ERGIC1: variants seen among roughly 807,000 people sequenced by gnomAD.
The protein encoded by ERGIC1 is endoplasmic reticulum-golgi intermediate compartment 1, also known as endoplasmic reticulum-Golgi intermediate compartment protein 1.
In ERGIC1, 19 loss-of-function variants were observed where a neutral mutation model predicts 38.3. The ratio of observed to expected loss-of-function variants is 0.50; its 90% CI spans 0.35 to 0.73. The LOEUF is 0.73. Among genes scored for constraint, ERGIC1 ranks in the 30% least tolerant of loss-of-function variants. The pLI is 0.01. For synonymous variants in ERGIC1, 124 were observed against 157.6 expected, an observed-to-expected ratio of 0.79 and a Z score of 1.60; for missense variants, 294 against 389.2, an observed-to-expected ratio of 0.76 and a Z score of 2.06.
chr5:172,928,761 C>T (rs1376547214), intron 7 of ERGIC1, among the ~76,000 whole-genome samples: 1 of 151,938 alleles, frequency 6.6e-6, no homozygotes, highest in East Asian at 1.9e-4. Flanking sequence ...ACCTCGGCCT[C>T]CAGTGTCCCC....
intron 4 of ERGIC1, among the ~76,000 whole-genome samples, chr5:172,911,040 G>A (rs1763195512): frequency 6.6e-6 from 1 of 152,142 alleles, no homozygotes; most frequent in African/African-American, 2.4e-5. Flanking sequence ...AGTGGACTGG[G>A]CGCCCTCTCC....
intron 9 of ERGIC1, among the ~76,000 whole-genome samples, chr5:172,942,878 G>T (rs1764043230): frequency 6.6e-6 from 1 of 152,190 alleles, no homozygotes; most frequent in African/African-American, 2.4e-5. Flanking sequence ...GACCCCTTAG[G>T]TCAGGATATT....
chr5:172,900,726 A>AC (rs5873344), intron 3 of ERGIC1, among the ~76,000 whole-genome samples: 25,022 of 148,924 alleles, frequency 0.17, 2,385 homozygotes, highest in East Asian at 0.26. Flanking sequence ...AAAAAACAAA[A>AC]AAAAACATGA....
At chr5:172,858,738 G>A (rs971021929) in intron 1 of ERGIC1, among the ~76,000 whole-genome samples, 135 of 152,204 alleles carry the variant, frequency 8.9e-4, no homozygotes, top group Non-Finnish European at 1.8e-3. Context: ...CCAGCCCCCC[G>A]CTGGCATGGG....
intron 7 of ERGIC1, among the ~76,000 whole-genome samples, chr5:172,929,473 C>T (rs1184717968): frequency 1.3e-5 from 2 of 152,160 alleles, no homozygotes; most frequent in Non-Finnish European, 2.9e-5. Flanking sequence ...AAGGAATCCA[C>T]ATGGGTGTAA....
intron 1 of ERGIC1, among the ~76,000 whole-genome samples, chr5:172,863,709 T>A (rs793011): frequency 0.89 from 134,890 of 152,214 alleles, 60,913 homozygotes; most frequent in East Asian, 1. Flanking sequence ...TGACTTTCTT[T>A]GAGGTGTTAG....
chr5:172,867,027 C>G (rs1447121818), intron 1 of ERGIC1: 1 of 378,526 alleles, frequency 2.6e-6, no homozygotes, highest in Admixed American at 3.1e-5. Context: ...GATGATGATG[C>G]AGATGGAGAT....
chr5:172,872,816 AAAAAAAAG>A (rs940279505), intron 1 of ERGIC1, among the ~76,000 whole-genome samples: 3 of 151,758 alleles, frequency 2.0e-5, no homozygotes, highest in East Asian at 1.9e-4. Context: ...ACTCTATCTC[AAAAAAAAG>A]AAAAAAAGAA....
chr5:172,894,256 C>A (rs1231541135), intron 2 of ERGIC1, among the ~76,000 whole-genome samples: 4 of 128,398 alleles, frequency 3.1e-5, no homozygotes, highest in Admixed American at 2.8e-4. Context: ...AGTGCAGTGG[C>A]ACGATCTCGG....
At chr5:172,850,723 G>A (rs758950337) in intron 1 of ERGIC1, among the ~76,000 whole-genome samples, 3 of 152,014 alleles carry the variant, frequency 2.0e-5, no homozygotes, top group African/African-American at 4.8e-5. Flanking sequence ...TTTCAGTGTC[G>A]AACCCCTCTT....
chr5:172,892,916 G>A (rs551324296), intron 2 of ERGIC1, among the ~76,000 whole-genome samples: 1 of 152,228 alleles, frequency 6.6e-6, no homozygotes, highest in East Asian at 1.9e-4. Context: ...AGTCTCTGCC[G>A]AGTAGACTTG....
intron 3 of ERGIC1, chr5:172,906,113 T>C: frequency 2.2e-6 from 1 of 456,184 alleles, no homozygotes; most frequent in South Asian, 1.5e-5. Context: ...TTTGCCTCTC[T>C]CCCTCCAGCT....
At chr5:172,839,793 T>C (rs1206904435) in intron 1 of ERGIC1, among the ~76,000 whole-genome samples, 1 of 152,186 alleles carries the variant, frequency 6.6e-6, no homozygotes, top group East Asian at 1.9e-4. Context: ...GGTGCTGTTG[T>C]TACCCCACTT....
At chr5:172,898,907 T>C (rs1271328429) in intron 3 of ERGIC1, among the ~76,000 whole-genome samples, 1 of 152,168 alleles carries the variant, frequency 6.6e-6, no homozygotes, top group Non-Finnish European at 1.5e-5. Flanking sequence ...CACCCTATCA[T>C]GAATCAGAGC....
At chr5:172,901,078 C>T (rs1053199549) in intron 3 of ERGIC1, among the ~76,000 whole-genome samples, 79 of 152,336 alleles carry the variant, frequency 5.2e-4, no homozygotes, top group Admixed American at 8.5e-4. Flanking sequence ...GGGTGGCTGG[C>T]CCTCTGTGGC....
chr5:172,842,521 T>A lies in ERGIC1; in HGVS notation c.20+8088T>A, dbSNP rs792979. Among the ~76,000 whole-genome samples the A allele has an allele frequency of 4.0e-3, 611 of 152,338 alleles. 5 individuals carry two copies. Among genetic ancestry groups the A allele is most frequent in the African/African-American group, 0.014 (564 of 41,570 alleles). On this transcript the variant is annotated intron_variant, in intron 1 of 9. Coordinates refer to ENST00000393784, the MANE Select transcript of ERGIC1 (RefSeq NM_001031711.3). ...TCTGAGATCCTGATTTCAATTCTTTTGGATAAATACCCCAAAGTGGGACCG... is the reference window on the plus strand; with the variant it reads ...TCTGAGATCCTGATTTCAATTCTTTAGGATAAATACCCCAAAGTGGGACCG...
At chr5:172,877,458 ATTTTTTT>A (rs56384349) in intron 1 of ERGIC1, among the ~76,000 whole-genome samples, 21 of 86,638 alleles carry the variant, frequency 2.4e-4, no homozygotes, top group African/African-American at 6.4e-4. Flanking sequence ...ATATATATAT[ATTTTTTT>A]TTTTTTTTTT....
chr5:172,858,836 A>G (rs943323489), intron 1 of ERGIC1, among the ~76,000 whole-genome samples: 13 of 152,254 alleles, frequency 8.5e-5, no homozygotes, highest in Admixed American at 7.2e-4. Context: ...TGCCAGCCAG[A>G]TGTTTGGGGC....
chr5:172,873,087 C>T (rs1270121937), intron 1 of ERGIC1, among the ~76,000 whole-genome samples: 1 of 152,266 alleles, frequency 6.6e-6, no homozygotes, highest in Non-Finnish European at 1.5e-5. Context: ...CCCGGAATAG[C>T]TCCTGCCGCT....
Sources: allele counts gnomAD v4.1 joint callset (sites outside exome capture counted in the v4.1 genomes callset), GRCh38; gene constraint gnomAD v4.1.1; transcripts MANE v1.5; gene names NCBI Gene and HGNC (gene_info 2026-07-23, HGNC 2026-07-21).